Variants in CTC1 observed in about 807,000 individuals in gnomAD.
CTC1 encodes the protein CST complex subunit CTC1.
CTC1 carries 91 observed loss-of-function variants against 136.3 expected under a neutral mutation model. The ratio of observed to expected loss-of-function variants is 0.67; its 90% CI spans 0.56 to 0.79. The LOEUF (loss-of-function observed/expected upper bound fraction) is 0.79. Among genes scored for constraint, CTC1 ranks in the 30% least tolerant of loss-of-function variants. The probability of loss-of-function intolerance (pLI) is 0.00; values close to 1 mark genes in which losing one functional copy is unlikely to be tolerated. For synonymous variants in CTC1, 606 were observed against 613.8 expected (o/e 0.99, Z 0.19); for missense variants, 1,432 against 1,498.1 (o/e 0.96, Z 0.73).
intron 1 of CTC1, among the ~76,000 whole-genome samples, chr17:8,246,683 G>A (rs1988740575): frequency 6.6e-6 from 1 of 151,998 alleles, no homozygotes; most frequent in South Asian, 2.1e-4. Context: ...TCAGGAGATC[G>A]AGACCATCCT....
At chr17:8,245,879 G>A (rs1238126197) in intron 1 of CTC1, among the ~76,000 whole-genome samples, 4 of 139,654 alleles carry the variant, frequency 2.9e-5, no homozygotes, top group African/African-American at 1.0e-4. Flanking sequence ...ACCCGCCTGG[G>A]CAACATGGTG....
Position 8,228,841 on chromosome 17 carries a change from G to T in CTC1, c.3273C>A (p.His1091Gln), listed in dbSNP as rs564631876. The T allele has an allele frequency of 9.3e-6, 15 of 1,614,028 alleles. No homozygotes were observed. Among genetic ancestry groups the T allele is most frequent in the Non-Finnish European group, 1.3e-5 (15 of 1,179,948 alleles). ...TAEAVVTCRNHHVAAALGLCP... is the reference protein window; with the variant it reads ...TAEAVVTCRNQHVAAALGLCP... The stretch of plus-strand genomic sequence containing the variant: ...ACAGCCCTAGTGCTGCTGCCACATG[G>T]TGATTCCTACAGGTCACCACGGCTT... The change falls in exon 21 of 23, where the codon CAC (histidine) becomes CAA (glutamine). Residue 1091 changes from histidine (H) to glutamine (Q), a missense_variant. Coordinates refer to ENST00000651323, the MANE Select transcript of CTC1 (RefSeq NM_025099.6).
At chr17:8,242,364 G>C (rs1401901067) in intron 2 of CTC1, among the ~76,000 whole-genome samples, 1 of 151,518 alleles carries the variant, frequency 6.6e-6, no homozygotes, top group East Asian at 1.9e-4. Context: ...GAGATAAATA[G>C]GTTTCTTTTG....
chr17:8,238,651 G>T (rs1287536995), intron 2 of CTC1, 22 bp from the exon 3 acceptor site: 3 of 1,538,530 alleles, frequency 1.9e-6, no homozygotes, highest in Non-Finnish European at 2.6e-6. Flanking sequence ...AGGGAACAGA[G>T]GTCCTGCAAA....
rs1444722126 is a variant in CTC1 at position 8,227,074 on chromosome 17, C to G, written c.*1106G>C. On this transcript the variant is annotated 3_prime_UTR_variant, in exon 23 of 23. Transcript: ENST00000651323. ...ACTGAGCTAACCGGCCACTAACTTTCCGGGTCTACTTCAAATCTTAATATA... is the reference window on the plus strand; with the variant it reads ...ACTGAGCTAACCGGCCACTAACTTTGCGGGTCTACTTCAAATCTTAATATA... 2 of 150,778 alleles carry G rather than the reference C, an allele frequency of 1.3e-5. No homozygotes were observed. The allele number at this position is 150,778 out of a possible 1,614,324, so 9.3% of individuals were successfully genotyped here.
chr17:8,231,582 T>C, intron 14 of CTC1, 113 bp from the exon 15 acceptor site: 1 of 1,246,388 alleles, frequency 8.0e-7, no homozygotes, highest in South Asian at 1.4e-5. Flanking sequence ...AGGAAGTGTG[T>C]CAACACACAC....
chr17:8,237,663 CTCAAAAAAAAAAAAAAAAA>C, intron 4 of CTC1, 144 bp from the exon 5 acceptor site: 3 of 46,316 alleles, frequency 6.5e-5, no homozygotes, highest in East Asian at 3.4e-4. Context: ...GAAACTACGT[CTCAAAAAAAAAAAAAAAAA>C]AAAAAAAAAA....
chr17:8,230,767 G>T, intron 15 of CTC1, 116 bp from the exon 16 acceptor site: 2 of 853,214 alleles, frequency 2.3e-6, no homozygotes, highest in South Asian at 3.0e-5. Context: ...CATATATAAA[G>T]TCCTGAAAAA....
intron 1 of CTC1, chr17:8,247,771 C>T: frequency 3.5e-6 from 2 of 570,258 alleles, no homozygotes; most frequent in Non-Finnish European, 6.4e-6. Flanking sequence ...CAGGATTAAA[C>T]CCTAGAGAGT....
chr17:8,237,270 AGCTGTCCTCCTTTCCTACATG>A (rs1326471855), intron 5 of CTC1, 84 bp downstream of exon 5: 5 of 1,314,160 alleles, frequency 3.8e-6, no homozygotes, highest in Admixed American at 1.8e-5. Context: ...AGCTCTCCCC[AGCTGTCCTCCTTTCCTACATG>A]GCTCCTCCTA....
In CTC1 at chr17:8,230,378, A is replaced by G; in HGVS notation, c.2849T>C (p.Ile950Thr). 3 of 1,614,164 alleles carry G rather than the reference A, an allele frequency of 1.9e-6. No individual in the cohort carries two copies. Among genetic ancestry groups the G allele is most frequent in the Non-Finnish European group, 2.5e-6 (3 of 1,180,022 alleles). The change falls in exon 17 of 23, where the codon ATA becomes ACA. Residue 950 changes from isoleucine (I) to threonine (T), a missense_variant. Transcript: ENST00000651323. ...CEFPPHLDVY[I>T]EDPHLPPSLG... ...TGAGGGAGGCAAGTGTGGGTCTTCTATATATACATCCAGGTGAGGGGGGAA... is the reference window on the plus strand; with the variant it reads ...TGAGGGAGGCAAGTGTGGGTCTTCTGTATATACATCCAGGTGAGGGGGGAA...
Position 8,228,129 on chromosome 17 carries a change from G to C in CTC1, c.*51C>G. 1 of 1,580,438 alleles carries C rather than the reference G, an allele frequency of 6.3e-7. No homozygotes were observed. The highest frequency in any genetic ancestry group is 8.7e-7 in the Non-Finnish European group (1 of 1,151,030). On this transcript the variant is annotated 3_prime_UTR_variant, in exon 23 of 23. Transcript: ENST00000651323. Reference sequence around the variant, plus strand: ...AGTAGGGAGAGGAGCCAGGACCTAGGCCTTCAGGTTTTCAGCAAGGAAGGA... The same window carrying C: ...AGTAGGGAGAGGAGCCAGGACCTAGCCCTTCAGGTTTTCAGCAAGGAAGGA...
At position 8,232,064 on chromosome 17, in the gene CTC1, T is replaced by C. The variant is rs1272834978; in HGVS notation, c.2224A>G (p.Met742Val). Residue 742 changes from methionine (M) to valine (V), a missense_variant, in exon 13 of 23, where the codon ATG becomes GTG. Coordinates refer to ENST00000651323, the MANE Select transcript of CTC1 (RefSeq NM_025099.6). ...LFLLCHKEAL[M>V]KRNFCVPPGA... is the part of the protein sequence containing the mutation. ...GGGGGGACACAAAAATTACGCTTCA[T>C]GAGGGCCTCCTTGTGGCAGAGCAAG... The C allele has an allele frequency of 1.3e-6, 2 of 1,565,522 alleles. No individual in the cohort carries two copies. Among genetic ancestry groups the C allele is most frequent in the Non-Finnish European group, 1.7e-6 (2 of 1,160,906 alleles).
Position 8,233,026 on chromosome 17 carries a change from G to A in CTC1, c.1825C>T (p.Leu609Phe), listed in dbSNP as rs1265524046. Residue 609 changes from leucine (L) to phenylalanine (F), a missense_variant, in exon 11 of 23, where the codon CTT becomes TTT. By Grantham distance (22) the Leu-to-Phe change is conservative. Coordinates refer to ENST00000651323, the MANE Select transcript of CTC1 (RefSeq NM_025099.6). Reference protein sequence around the residue: ...PSAFCPAQVLLGVLVASSHKG... With the variant: ...PSAFCPAQVLFGVLVASSHKG... The stretch of plus-strand genomic sequence containing the variant: ...TGAGATGAAGCCACCAGAACCCCAA[G>A]TAAAACCTGCAAGAAGATGAAGGTT... 8.1e-6 allele frequency: 13 copies of A among 1,613,700 alleles called. No individual in the cohort carries two copies. The highest frequency in any genetic ancestry group is 1.0e-5 in the Non-Finnish European group (12 of 1,179,858).
In CTC1 at chr17:8,228,554, T is replaced by C. The variant is rs571554235; in HGVS notation, c.3463A>G (p.Ile1155Val). 4.6e-5 allele frequency: 75 copies of C among 1,613,960 alleles called. No individual in the cohort carries two copies. In the Admixed American group the frequency reaches 7.7e-4, roughly 16 times the overall value. Residue 1155 changes from isoleucine (I) to valine (V), a missense_variant, in exon 22 of 23, where the codon ATT becomes GTT. Coordinates refer to ENST00000651323, the MANE Select transcript of CTC1 (RefSeq NM_025099.6). ...CTTTCCAGCTCAAAAGAAAGCACAA[T>C]AGGACGGAGGACAGAGGGGCTAGTA... ...LCTSPSVLRP[I>V]VLSFELERKP...
intron 10 of CTC1, among the ~76,000 whole-genome samples, chr17:8,234,119 C>G (rs1365866184): frequency 6.6e-6 from 1 of 152,102 alleles, no homozygotes; most frequent in Non-Finnish European, 1.5e-5. Context: ...GTAGCTGGGA[C>G]CATAGGCACA....
At chr17:8,230,097 C>G in intron 17 of CTC1, 129 bp from the exon 18 acceptor site, 1 of 1,040,618 alleles carries the variant, frequency 9.6e-7, no homozygotes, top group South Asian at 1.5e-5. Flanking sequence ...CATGGCTCTA[C>G]CAAAGCTAGG....
chr17:8,231,640 G>T, intron 14 of CTC1, 86 bp downstream of exon 14: 1 of 1,347,340 alleles, frequency 7.4e-7, no homozygotes, highest in Non-Finnish European at 1.1e-6. Context: ...GAGGCCTAGA[G>T]AATGACCAGG....
At chr17:8,239,916 A>G (rs1209766689) in intron 2 of CTC1, among the ~76,000 whole-genome samples, 1 of 152,182 alleles carries the variant, frequency 6.6e-6, no homozygotes, top group South Asian at 2.1e-4. Flanking sequence ...AAAGACAGAA[A>G]CTAATACCTG....
Sources: gnomAD v4.1 joint callset for allele counts (sites outside exome capture counted in the v4.1 genomes callset) on GRCh38, gnomAD v4.1.1 for gene constraint, MANE v1.5 for transcripts, NCBI Gene and HGNC (gene_info 2026-07-23, HGNC 2026-07-21) for gene names.